GALNT18: variants seen among roughly 807,000 people sequenced by gnomAD.
The protein encoded by GALNT18 is polypeptide N-acetylgalactosaminyltransferase 18, also known as GalNAc-transferase 18.
GALNT18 carries 44 observed loss-of-function variants against 69.5 expected under a neutral mutation model. The ratio of observed to expected loss-of-function variants is 0.63; its 90% confidence interval spans 0.50 to 0.81. The LOEUF (loss-of-function observed/expected upper bound fraction) is 0.81. Ranked by LOEUF, GALNT18 falls within the 40% of genes least tolerant of loss-of-function variation. GALNT18 has a pLI of 0.00. For synonymous variants in GALNT18, 364 were observed against 318.2 expected (o/e 1.14, Z -1.53); for missense variants, 715 against 810.0 (o/e 0.88, Z 1.42).
Position 11,458,703 on chromosome 11 carries a change from C to T in GALNT18, c.236-9767G>A, listed in dbSNP as rs111744887. ...GCAGAGGGATCACATCATAAACAGC[C>T]GGAACAGCAGCGTTCAGCCTCAGCT... On this transcript the variant is annotated intron_variant, in intron 1 of 10. Coordinates refer to ENST00000227756, the MANE Select transcript of GALNT18 (RefSeq NM_198516.3). Among the ~76,000 whole-genome samples the T allele has an allele frequency of 3.5e-3, 539 of 152,366 alleles. 4 individuals carry two copies. Among genetic ancestry groups the T allele is most frequent in the African/African-American group, 0.012 (516 of 41,580 alleles).
chr11:11,477,471 A>C (rs1470483225), intron 1 of GALNT18, among the ~76,000 whole-genome samples: 3 of 152,202 alleles, frequency 2.0e-5, no homozygotes, highest in Admixed American at 1.3e-4. Flanking sequence ...GGCCACTTCA[A>C]GACAGTATCA....
At chr11:11,280,386 C>T (rs573483180) in intron 10 of GALNT18, among the ~76,000 whole-genome samples, 190 of 152,248 alleles carry the variant, frequency 1.2e-3, no homozygotes, top group African/African-American at 4.1e-3. Context: ...CCATGGGACC[C>T]TTCAGCTCTG....
intron 1 of GALNT18, among the ~76,000 whole-genome samples, chr11:11,467,081 ATCT>A (rs1320115877): frequency 6.6e-6 from 1 of 152,242 alleles, no homozygotes; most frequent in Non-Finnish European, 1.5e-5. Flanking sequence ...GGAGGAGAAC[ATCT>A]TCCGAACCTG....
intron 1 of GALNT18, among the ~76,000 whole-genome samples, chr11:11,508,224 C>T (rs777680934): frequency 7.9e-4 from 120 of 152,116 alleles, no homozygotes; most frequent in Admixed American, 9.2e-4. Context: ...TGGAACATTC[C>T]CTCTACACAC....
At chr11:11,392,014 C>T (rs1192027969) in intron 3 of GALNT18, among the ~76,000 whole-genome samples, 2 of 152,218 alleles carry the variant, frequency 1.3e-5, no homozygotes, top group East Asian at 3.9e-4. Flanking sequence ...TGTCTTGGCT[C>T]AACGCTTTCT....
chr11:11,357,124 A>AGCT (rs1564908731), intron 6 of GALNT18, among the ~76,000 whole-genome samples: 1 of 152,122 alleles, frequency 6.6e-6, no homozygotes, highest in African/African-American at 2.4e-5. Flanking sequence ...GGAAATCACC[A>AGCT]GCTAGGGAAC....
Position 11,377,074 on chromosome 11 carries a change from T to G in GALNT18, c.977+108A>C. On this transcript the variant is annotated intron_variant, in intron 5 of 10. Transcript: ENST00000227756. This position sits in a 1 kb window ranked among gnomAD's most constrained non-coding sequence, Gnocchi z 4.6. Reference sequence around the variant, plus strand: ...AGTTCCTTTCGACCCTGCCCACCCCTGTCATCCCCACGATGGGGCTCAAGT... The same window carrying G: ...AGTTCCTTTCGACCCTGCCCACCCCGGTCATCCCCACGATGGGGCTCAAGT... 1 of 1,040,402 alleles carries G rather than the reference T, an allele frequency of 9.6e-7. No homozygotes were observed. Among genetic ancestry groups the G allele is most frequent in the South Asian group, 1.5e-5 (1 of 67,550 alleles). 64.4% of individuals were successfully genotyped at this position (1,040,402 alleles called of 1,614,324 possible).
At chr11:11,401,832 T>C (rs149519186) in intron 3 of GALNT18, among the ~76,000 whole-genome samples, 149 of 152,308 alleles carry the variant, frequency 9.8e-4, no homozygotes, top group African/African-American at 3.5e-3. Context: ...GGAAGGCAGA[T>C]ACAACAATAG....
In GALNT18 at chr11:11,435,127, C is replaced by T. The variant is rs577932277; in HGVS notation, c.429-2340G>A. ...TTCACTGTCCTCCCTACTAAAACTC[C>T]ACCAGCAATGAAGACTTTGCTTCTG... On this transcript the variant is annotated intron_variant, in intron 2 of 10. Coordinates refer to ENST00000227756, the MANE Select transcript of GALNT18 (RefSeq NM_198516.3). The surrounding 1 kb of genome is among the most constrained non-coding windows in gnomAD (Gnocchi z 4.4). Among the ~76,000 whole-genome samples, 3 of 152,346 alleles carry T rather than the reference C, an allele frequency of 2.0e-5. No individual in the cohort carries two copies. The highest frequency in any genetic ancestry group is 3.9e-4 in the East Asian group (2 of 5,188).
rs1438658066 is a variant in GALNT18, at chr11:11,461,123, G to C, written c.236-12187C>G. ...GACAGGAAGACATCTGACTCTGCAA[G>C]CTTAGTCCAGATACTACAGGATGAT... On this transcript the variant is annotated intron_variant, in intron 1 of 10. Transcript: ENST00000227756. This position sits in a 1 kb window ranked among gnomAD's most constrained non-coding sequence, Gnocchi z 4.1. 6.6e-6 allele frequency among the ~76,000 whole-genome samples: 1 copy of C among 152,170 alleles called. No homozygotes were observed. Among genetic ancestry groups the C allele is most frequent in the Non-Finnish European group, 1.5e-5 (1 of 68,032 alleles).
chr11:11,452,782 T>C (rs542642162), intron 1 of GALNT18, among the ~76,000 whole-genome samples: 1 of 152,224 alleles, frequency 6.6e-6, no homozygotes, highest in East Asian at 1.9e-4. Context: ...CATCTAGGGA[T>C]GAGGCACCTT....
rs978655200 is a variant in GALNT18, at chr11:11,595,517, T to C, written c.235+25842A>G. 6.6e-6 allele frequency among the ~76,000 whole-genome samples: 1 copy of C among 152,194 alleles called. No homozygotes were observed. Among genetic ancestry groups the C allele is most frequent in the African/African-American group, 2.4e-5 (1 of 41,460 alleles). ...GGCAGCCGAGATGAACTAAGACACA[T>C]TCTCTTCAATAGTGTATGAGGATTC... On this transcript the variant is annotated intron_variant, in intron 1 of 10. Transcript: ENST00000227756. This position sits in a 1 kb window ranked among gnomAD's most constrained non-coding sequence, Gnocchi z 5.2.
Position 11,432,126 on chromosome 11 carries a change from T to C in GALNT18, c.595+495A>G, listed in dbSNP as rs768462157. On this transcript the variant is annotated intron_variant, in intron 3 of 10. Transcript: ENST00000227756. This position sits in a 1 kb window ranked among gnomAD's most constrained non-coding sequence, Gnocchi z 5.8. ...GCAAAGAGGCTAGACATTCAACAAG[T>C]CTGTTGCTGTCATTGAGTTACGTGT... is the stretch of plus-strand genomic sequence containing the variant. 6.6e-6 allele frequency among the ~76,000 whole-genome samples: 1 copy of C among 152,160 alleles called. No homozygotes were observed. The highest frequency in any genetic ancestry group is 2.4e-5 in the African/African-American group (1 of 41,434).
At chr11:11,419,964 C>T (rs929708796) in intron 3 of GALNT18, among the ~76,000 whole-genome samples, 2 of 152,040 alleles carry the variant, frequency 1.3e-5, no homozygotes, top group Non-Finnish European at 2.9e-5. Flanking sequence ...GAGCCTTGGG[C>T]CTGGTACTCA....
At chr11:11,375,615 G>A (rs956772823) in intron 5 of GALNT18, among the ~76,000 whole-genome samples, 1 of 152,150 alleles carries the variant, frequency 6.6e-6, no homozygotes, top group Non-Finnish European at 1.5e-5. Context: ...TGGCTCTACC[G>A]CCCAGAGCCT....
At chr11:11,352,106 G>A in intron 6 of GALNT18, 1 of 1,613,602 alleles carries the variant, frequency 6.2e-7, no homozygotes, top group South Asian at 1.1e-5. Context: ...CCCCTGGCAT[G>A]CTAGATGAAC....
At chr11:11,420,278 A>C (rs1854972420) in intron 3 of GALNT18, among the ~76,000 whole-genome samples, 1 of 151,926 alleles carries the variant, frequency 6.6e-6, no homozygotes, top group Non-Finnish European at 1.5e-5. Context: ...AGCTTCCCCA[A>C]CTCCTAGTGC....
At chr11:11,474,946 T>C (rs1299089289) in intron 1 of GALNT18, among the ~76,000 whole-genome samples, 3 of 152,214 alleles carry the variant, frequency 2.0e-5, no homozygotes, top group Non-Finnish European at 4.4e-5. Flanking sequence ...AGTGGGAATG[T>C]CAATATAAAA....
chr11:11,466,611 G>C (rs1377158519), intron 1 of GALNT18, among the ~76,000 whole-genome samples: 1 of 152,182 alleles, frequency 6.6e-6, no homozygotes, highest in Non-Finnish European at 1.5e-5. Context: ...AATTCAGTCT[G>C]TTTACCTATT....
Sources: allele counts gnomAD v4.1 joint callset (sites outside exome capture counted in the v4.1 genomes callset), GRCh38; gene constraint gnomAD v4.1.1; non-coding constraint Gnocchi (gnomAD v3.1); transcripts MANE v1.5; gene names NCBI Gene and HGNC (gene_info 2026-07-23, HGNC 2026-07-21).